Variants in TSPEAR observed in about 807,000 individuals in gnomAD.
TSPEAR encodes the protein thrombospondin type laminin G domain and EAR repeats.
In TSPEAR, 69 loss-of-function variants were observed where a neutral mutation model predicts 71.6. That is an observed-to-expected ratio of 0.96 (90% confidence interval 0.79 to 1.18). The LOEUF is 1.18. TSPEAR is among the 50% of genes most tolerant of loss of function. The pLI is 0.00. For synonymous variants in TSPEAR, 402 were observed against 387.2 expected (o/e 1.04, Z -0.45); for missense variants, 971 against 894.9 (o/e 1.09, Z -1.09).
chr21:44,612,635 G>T lies in TSPEAR; in HGVS notation c.83-44630C>A, dbSNP rs1555931451. On this transcript the variant is annotated intron_variant, in intron 1 of 11. Coordinates refer to ENST00000323084, the MANE Select transcript of TSPEAR (RefSeq NM_144991.3). This position sits in a 1 kb window ranked among gnomAD's most constrained non-coding sequence, Gnocchi z 4.1. ...CTGCAAGCCCATCTGCTGTGTGCCTGTCTGCTCTGGGGCTTCCTCTCTGTG... is the reference window on the plus strand; with the variant it reads ...CTGCAAGCCCATCTGCTGTGTGCCTTTCTGCTCTGGGGCTTCCTCTCTGTG... 6.2e-7 allele frequency: 1 copy of T among 1,613,308 alleles called. No individual in the cohort carries two copies. The highest frequency in any genetic ancestry group is 8.5e-7 in the Non-Finnish European group (1 of 1,179,868).
At chr21:44,540,183 T>G (rs782296549) in intron 2 of TSPEAR, 1 of 1,599,636 alleles carries the variant, frequency 6.3e-7, no homozygotes, top group Middle Eastern at 1.8e-4. Context: ...CTGCGGGAGG[T>G]GTGAGTGAGT....
chr21:44,566,558 A>G (rs747072208), intron 2 of TSPEAR, among the ~76,000 whole-genome samples: 3 of 152,200 alleles, frequency 2.0e-5, no homozygotes, highest in Non-Finnish European at 4.4e-5. Flanking sequence ...AAAATTTAAA[A>G]AGAGGAACAA....
intron 2 of TSPEAR, among the ~76,000 whole-genome samples, chr21:44,544,003 T>C (rs2053262323): frequency 1.3e-5 from 2 of 152,156 alleles, no homozygotes; most frequent in South Asian, 4.1e-4. Flanking sequence ...CAAAAACCAC[T>C]GTGAGATGGG....
chr21:44,507,518 C>G (rs1193303745), intron 10 of TSPEAR, among the ~76,000 whole-genome samples: 1 of 151,968 alleles, frequency 6.6e-6, no homozygotes, highest in Non-Finnish European at 1.5e-5. Context: ...TAAACATTAC[C>G]TTAATTAATT....
rs566603963 is a variant in TSPEAR, at chr21:44,696,602, A to T, written c.82+14831T>A. Among the ~76,000 whole-genome samples the T allele has an allele frequency of 1.3e-4, 20 of 152,388 alleles. No homozygotes were observed. The East Asian group carries it at 1.5e-3, about 12-fold the overall frequency. ...AAAATAAAAATAAATCCAGCTCCCA[A>T]GCCATTCATTGGTCTACGGATTCAA... On this transcript the variant is annotated intron_variant, in intron 1 of 11. Coordinates refer to ENST00000323084, the MANE Select transcript of TSPEAR (RefSeq NM_144991.3).
At chr21:44,540,019 G>A (rs782093418) in intron 2 of TSPEAR, 1 of 1,613,078 alleles carries the variant, frequency 6.2e-7, no homozygotes, top group South Asian at 1.1e-5. Flanking sequence ...TGCAGACCAG[G>A]GTCAGGCAGG....
intron 1 of TSPEAR, chr21:44,658,141 G>A: frequency 1.9e-6 from 3 of 1,613,504 alleles, no homozygotes; most frequent in Non-Finnish European, 2.5e-6. Flanking sequence ...AGCCCTCCGT[G>A]TGCGTGCCCG....
intron 1 of TSPEAR, among the ~76,000 whole-genome samples, chr21:44,611,701 C>T (rs1029844061): frequency 6.6e-6 from 1 of 152,256 alleles, no homozygotes; most frequent in Admixed American, 6.5e-5. Flanking sequence ...AAAAACACCC[C>T]ACCCCTGGTA....
At chr21:44,518,606 C>G (rs9980293) in intron 9 of TSPEAR, 224 of 468,882 alleles carry the variant, frequency 4.8e-4, no homozygotes, top group African/African-American at 3.8e-3. Context: ...GAGAAAGTCA[C>G]TTGTGGTGCC....
chr21:44,690,989 A>T (rs1260739321), intron 1 of TSPEAR, among the ~76,000 whole-genome samples: 2 of 152,202 alleles, frequency 1.3e-5, no homozygotes, highest in Non-Finnish European at 2.9e-5. Flanking sequence ...TGTAAAACAG[A>T]TTAAAACACA....
At chr21:44,551,298 G>A in intron 2 of TSPEAR, 1 of 1,613,466 alleles carries the variant, frequency 6.2e-7, no homozygotes, top group Middle Eastern at 1.8e-4. Flanking sequence ...GCAGGGGCTG[G>A]ACACACAGCT....
chr21:44,550,182 C>T (rs1341809770), intron 2 of TSPEAR, among the ~76,000 whole-genome samples: 1 of 152,232 alleles, frequency 6.6e-6, no homozygotes, highest in Non-Finnish European at 1.5e-5. Context: ...GGAGGGGAGC[C>T]GGACAGCAGA....
In TSPEAR at chr21:44,598,756, A is replaced by G. The variant is rs587717228; in HGVS notation, c.83-30751T>C. Among the ~76,000 whole-genome samples, 4 of 152,294 alleles carry G rather than the reference A, an allele frequency of 2.6e-5. No homozygotes were observed. The South Asian group carries it at 8.3e-4, about 32-fold the overall frequency. ...CACAAGAGATTATAAATATAATAAT[A>G]TTACCCTTTCAGATCCTCCTGGTTC... On this transcript the variant is annotated intron_variant, in intron 1 of 11. Transcript: ENST00000323084.
At chr21:44,581,747 C>T (rs187638567) in intron 1 of TSPEAR, among the ~76,000 whole-genome samples, 2 of 152,300 alleles carry the variant, frequency 1.3e-5, no homozygotes, top group East Asian at 3.9e-4. Flanking sequence ...GAATGAAATA[C>T]ATTTTTGGCT....
At chr21:44,572,435 C>G (rs903351070) in intron 1 of TSPEAR, among the ~76,000 whole-genome samples, 2 of 152,152 alleles carry the variant, frequency 1.3e-5, no homozygotes, top group East Asian at 3.9e-4. Context: ...TTTTCAGCCA[C>G]TATTCCCTAA....
intron 1 of TSPEAR, among the ~76,000 whole-genome samples, chr21:44,689,925 G>T (rs1477534781): frequency 6.6e-6 from 1 of 151,332 alleles, no homozygotes; most frequent in Non-Finnish European, 1.5e-5. Context: ...GGCCAGTCTC[G>T]CCTCTTCACA....
intron 2 of TSPEAR, among the ~76,000 whole-genome samples, chr21:44,555,927 A>T (rs1298246623): frequency 6.6e-6 from 1 of 152,234 alleles, no homozygotes; most frequent in Non-Finnish European, 1.5e-5. Flanking sequence ...TGTGTATTGC[A>T]TTTGCACAGA....
chr21:44,639,294 G>A (rs1601517890), intron 1 of TSPEAR, among the ~76,000 whole-genome samples: 1 of 152,204 alleles, frequency 6.6e-6, no homozygotes, highest in East Asian at 1.9e-4. Flanking sequence ...ACAAGCTGCT[G>A]CACTCTTTCC....
At chr21:44,666,969 C>G in intron 1 of TSPEAR, 3 of 1,432,846 alleles carry the variant, frequency 2.1e-6, no homozygotes, top group Non-Finnish European at 2.8e-6. Context: ...ATACCTGGGC[C>G]CAGGCATCCC....
Sources: allele counts gnomAD v4.1 joint callset (sites outside exome capture counted in the v4.1 genomes callset), GRCh38; gene constraint gnomAD v4.1.1; non-coding constraint Gnocchi (gnomAD v3.1); transcripts MANE v1.5; gene names NCBI Gene and HGNC (gene_info 2026-07-23, HGNC 2026-07-21).